The following FSD1L variants were observed in gnomAD, a reference collection of about 807,000 sequenced individuals.
FSD1L encodes fibronectin type III and SPRY domain containing 1 like, also known as FSD1-like protein.
A neutral mutation model predicts 71.6 loss-of-function variants in FSD1L; 45 were observed. The ratio of observed to expected loss-of-function variants is 0.63; its 90% CI spans 0.49 to 0.81. The LOEUF is 0.81. FSD1L is among the 30% of genes least tolerant of loss of function. FSD1L has a pLI of 0.00. For missense variants in FSD1L, 561 were observed against 618.1 expected, an observed-to-expected ratio of 0.91 and a Z score of 0.98; for synonymous variants, 197 against 207.2, an observed-to-expected ratio of 0.95 and a Z score of 0.42.
intron 7 of FSD1L, among the ~76,000 whole-genome samples, chr9:105,502,629 G>C (rs1419019229): frequency 6.6e-6 from 1 of 151,948 alleles, no homozygotes; most frequent in Non-Finnish European, 1.5e-5. Flanking sequence ...TTCTGACAGA[G>C]AGTGCACATA....
chr9:105,541,996 A>T (rs1279536444), intron 13 of FSD1L, among the ~76,000 whole-genome samples: 1 of 152,176 alleles, frequency 6.6e-6, no homozygotes, highest in Non-Finnish European at 1.5e-5. Context: ...ATATGTATGT[A>T]TCACAGTTTA....
upstream of FSD1L, among the ~76,000 whole-genome samples, chr9:105,445,693 G>A (rs1238664688): frequency 6.6e-6 from 1 of 152,168 alleles, no homozygotes. Flanking sequence ...CAATCGCCAG[G>A]CTATTTCTCC....
chr9:105,526,160 T>C, intron 10 of FSD1L: 1 of 1,584,366 alleles, frequency 6.3e-7, no homozygotes, highest in Non-Finnish European at 8.7e-7. Flanking sequence ...CTACCCATTA[T>C]GGTTAGAGCA....
At chr9:105,467,051 T>G (rs1266164302) in intron 3 of FSD1L, among the ~76,000 whole-genome samples, 2 of 152,212 alleles carry the variant, frequency 1.3e-5, no homozygotes, top group Non-Finnish European at 2.9e-5. Context: ...ATGAATAGAC[T>G]GAGGTCTAGG....
At chr9:105,513,130 A>G (rs748630726) in intron 10 of FSD1L, among the ~76,000 whole-genome samples, 194 bp downstream of exon 10, 3 of 152,024 alleles carry the variant, frequency 2.0e-5, no homozygotes, top group Non-Finnish European at 4.4e-5. Context: ...ACTTTTTTTT[A>G]GTTTCATCCC....
intron 10 of FSD1L, chr9:105,524,476 T>G: frequency 6.2e-7 from 1 of 1,613,570 alleles, no homozygotes; most frequent in Non-Finnish European, 8.5e-7. Flanking sequence ...AAGACACTGC[T>G]CCAACCATTT....
At chr9:105,503,986 T>C (rs1350213761) in intron 7 of FSD1L, among the ~76,000 whole-genome samples, 2 of 152,242 alleles carry the variant, frequency 1.3e-5, no homozygotes, top group African/African-American at 4.8e-5. Flanking sequence ...CTTACTAGAA[T>C]GGCAGCTGAA....
intron 7 of FSD1L, among the ~76,000 whole-genome samples, chr9:105,492,530 G>A (rs1276896594): frequency 6.6e-6 from 1 of 151,966 alleles, no homozygotes; most frequent in African/African-American, 2.4e-5. Context: ...GTTATTTCTT[G>A]CCTTCTGGTA....
intron 10 of FSD1L, among the ~76,000 whole-genome samples, chr9:105,527,861 G>C (rs1031847571): frequency 1.3e-5 from 2 of 152,152 alleles, no homozygotes; most frequent in Admixed American, 6.5e-5. Context: ...AATTGTCTCT[G>C]TTTGCAGATG....
intron 7 of FSD1L, among the ~76,000 whole-genome samples, chr9:105,486,376 G>A (rs1484745263): frequency 6.6e-6 from 1 of 152,090 alleles, no homozygotes; most frequent in Non-Finnish European, 1.5e-5. Flanking sequence ...AATTTCATTG[G>A]TAAGAAGCTG....
At chr9:105,492,445 A>G (rs1291078194) in intron 7 of FSD1L, among the ~76,000 whole-genome samples, 1 of 152,042 alleles carries the variant, frequency 6.6e-6, no homozygotes, top group Non-Finnish European at 1.5e-5. Flanking sequence ...CTTTCAAAAA[A>G]CCAGGTCCTG....
intron 1 of FSD1L, 60 bp from the exon 2 acceptor site, chr9:105,461,459 GT>G: frequency 2.8e-6 from 2 of 718,046 alleles, no homozygotes; most frequent in South Asian, 2.8e-5. Context: ...AATTTATCCT[GT>G]TTTTCCTTTA....
At chr9:105,460,741 GT>G (rs747556377) in intron 1 of FSD1L, among the ~76,000 whole-genome samples, 5 of 152,052 alleles carry the variant, frequency 3.3e-5, no homozygotes, top group African/African-American at 4.8e-5. Flanking sequence ...GTGCAGTCTT[GT>G]TTTTGTTAGC....
At chr9:105,499,479 T>G (rs529425118) in intron 7 of FSD1L, among the ~76,000 whole-genome samples, 35 of 152,246 alleles carry the variant, frequency 2.3e-4, no homozygotes, top group Non-Finnish European at 4.4e-4. Flanking sequence ...AATTTTTATT[T>G]GTCTGAGAGA....
chr9:105,542,280 G>T (rs756057122), intron 13 of FSD1L, among the ~76,000 whole-genome samples: 1 of 151,930 alleles, frequency 6.6e-6, no homozygotes, highest in African/African-American at 2.4e-5. Context: ...CAGATTTTTT[G>T]TTGTTGTTAA....
chr9:105,495,159 T>G (rs10820809), intron 7 of FSD1L, among the ~76,000 whole-genome samples: 4 of 152,032 alleles, frequency 2.6e-5, no homozygotes, highest in Non-Finnish European at 4.4e-5. Context: ...CCACCCAGTT[T>G]GAGCTTCCCG....
At chr9:105,489,967 G>A (rs1199694213) in intron 7 of FSD1L, among the ~76,000 whole-genome samples, 9 of 152,088 alleles carry the variant, frequency 5.9e-5, no homozygotes, top group East Asian at 1.9e-4. Context: ...ATAAACATAC[G>A]TGTGCATGTG....
rs1021432754 is a variant in FSD1L, at chr9:105,521,049, A to G, written c.1025+8113A>G. 1.8e-5 allele frequency: 29 copies of G among 1,612,988 alleles called. No individual in the cohort carries two copies. The African/African-American group carries it at 3.7e-4, about 21-fold the overall frequency. Reference sequence around the variant, plus strand: ...TAAGGAAAACAGTTTATATCATCCTATACTTGACATCCCGCAGATGAGACC... The same window carrying G: ...TAAGGAAAACAGTTTATATCATCCTGTACTTGACATCCCGCAGATGAGACC... On this transcript the variant is annotated intron_variant, in intron 10 of 13. Transcript: ENST00000481272.
intron 10 of FSD1L, 112 bp downstream of exon 10, chr9:105,513,048 T>G: frequency 1.2e-6 from 1 of 822,142 alleles, no homozygotes; most frequent in East Asian, 3.2e-5. Flanking sequence ...AGTTACAGTA[T>G]ATTAGTAGCA....
Sources: allele counts gnomAD v4.1 joint callset (sites outside exome capture counted in the v4.1 genomes callset), GRCh38; gene constraint gnomAD v4.1.1; transcripts MANE v1.5; gene names NCBI Gene and HGNC (gene_info 2026-07-23, HGNC 2026-07-21).